Variants in TOM1L2 observed in about 807,000 individuals in gnomAD.
TOM1L2 encodes the protein TOM1-like protein 2.
A neutral mutation model predicts 67.9 loss-of-function variants in TOM1L2; 31 were observed. That is an observed-to-expected ratio of 0.46 (90% CI 0.34 to 0.62). The LOEUF is 0.62. Ranked by LOEUF, TOM1L2 falls within the 20% of genes least tolerant of loss-of-function variation. The probability of loss-of-function intolerance (pLI) is 0.01; values close to 1 mark genes in which losing one functional copy is unlikely to be tolerated. For synonymous variants in TOM1L2, 256 were observed against 254.0 expected (o/e 1.01, Z -0.07); for missense variants, 606 against 663.5 (o/e 0.91, Z 0.95).
intron 1 of TOM1L2, among the ~76,000 whole-genome samples, chr17:17,950,517 C>T (rs1029207243): frequency 1.3e-5 from 2 of 151,988 alleles, no homozygotes; most frequent in Non-Finnish European, 2.9e-5. Context: ...CGGCCTCAAG[C>T]TCCTGGGCTT....
At chr17:17,888,221 C>T (rs2038092946) in intron 4 of TOM1L2, among the ~76,000 whole-genome samples, 1 of 152,122 alleles carries the variant, frequency 6.6e-6, no homozygotes, top group Non-Finnish European at 1.5e-5. Flanking sequence ...TCTTTTCCTG[C>T]CTGTGGCTAC....
At chr17:17,934,864 C>A (rs188184739) in intron 1 of TOM1L2, among the ~76,000 whole-genome samples, 3 of 152,232 alleles carry the variant, frequency 2.0e-5, no homozygotes, top group Non-Finnish European at 4.4e-5. Flanking sequence ...AGGGGAAAAC[C>A]TTCAGAATGA....
intron 1 of TOM1L2, among the ~76,000 whole-genome samples, chr17:17,937,376 CT>C (rs1256924983): frequency 6.6e-6 from 1 of 152,234 alleles, no homozygotes; most frequent in Admixed American, 6.5e-5. Context: ...ATATCCACCC[CT>C]GATGAATAAC....
chr17:17,919,583 A>G (rs2039767928), intron 1 of TOM1L2, among the ~76,000 whole-genome samples: 2 of 152,214 alleles, frequency 1.3e-5, no homozygotes. Flanking sequence ...GAGGTCTTAG[A>G]GACCATCTAG....
At chr17:17,965,583 C>T (rs575636578) in intron 1 of TOM1L2, among the ~76,000 whole-genome samples, 1 of 152,316 alleles carries the variant, frequency 6.6e-6, no homozygotes, top group South Asian at 2.1e-4. Flanking sequence ...GGCAGCACAG[C>T]GTGACAGGAT....
At chr17:17,862,922 CTAGGA>C in intron 10 of TOM1L2, 74 bp from the exon 11 acceptor site, 1 of 884,656 alleles carries the variant, frequency 1.1e-6, no homozygotes, top group Non-Finnish European at 1.7e-6. Flanking sequence ...GGCCCCCAAG[CTAGGA>C]CGCCAGCCAG....
intron 1 of TOM1L2, among the ~76,000 whole-genome samples, chr17:17,958,934 A>G (rs1312389196): frequency 1.3e-5 from 2 of 152,006 alleles, no homozygotes; most frequent in African/African-American, 2.4e-5. Context: ...ACATAATGAA[A>G]CCTCCATTAA....
rs1239021154 is a variant in TOM1L2, at chr17:17,844,771, G to A, written c.*2864C>T. 1 of 152,238 alleles carries A rather than the reference G, an allele frequency of 6.6e-6. No homozygotes were observed. Among genetic ancestry groups the A allele is most frequent in the Non-Finnish European group, 1.5e-5 (1 of 68,040 alleles). The allele number at this position is 152,238 out of a possible 1,614,324, so 9.4% of individuals were successfully genotyped here. ...AAAGGTAGGCAGGAGGGAATGGTTA[G>A]TTTTCACATCTCAGCAACAATGAAC... On this transcript the variant is annotated 3_prime_UTR_variant, in exon 15 of 15. Transcript: ENST00000379504.
In TOM1L2 at chr17:17,868,847, T is replaced by TC. The variant is rs1227668758; in HGVS notation, c.911+492dup. On this transcript the variant is annotated intron_variant, in intron 8 of 14. Transcript: ENST00000379504. ...ATTCCGGCACTTACACCCGCCTGCT[T>TC]CCCCTGAATGCTCTAGATAACATTG... is the stretch of plus-strand genomic sequence containing the variant. 1.9e-5 allele frequency: 3 copies of TC among 157,112 alleles called. No individual in the cohort carries two copies. In the East Asian group the frequency reaches 5.5e-4, roughly 29 times the overall value. 9.7% of individuals were successfully genotyped at this position (157,112 alleles called of 1,614,324 possible).
intron 4 of TOM1L2, among the ~76,000 whole-genome samples, chr17:17,889,261 C>T (rs1025364598): frequency 6.6e-6 from 1 of 152,148 alleles, no homozygotes; most frequent in African/African-American, 2.4e-5. Flanking sequence ...GAGGGGTAGG[C>T]ATCAGCTGGA....
chr17:17,951,080 A>G (rs2041187327), intron 1 of TOM1L2, among the ~76,000 whole-genome samples: 1 of 152,150 alleles, frequency 6.6e-6, no homozygotes, highest in South Asian at 2.1e-4. Context: ...AGTGTGGGGC[A>G]GACCTGTTCA....
chr17:17,853,175 G>A (rs1387114841), intron 12 of TOM1L2, among the ~76,000 whole-genome samples: 1 of 152,200 alleles, frequency 6.6e-6, no homozygotes, highest in Non-Finnish European at 1.5e-5. Context: ...TGGCCTCTGG[G>A]AGGACGCATG....
chr17:17,850,621 C>T (rs145512816), intron 13 of TOM1L2, among the ~76,000 whole-genome samples: 1 of 152,334 alleles, frequency 6.6e-6, no homozygotes, highest in African/African-American at 2.4e-5. Context: ...GTTTTGGAGC[C>T]AGCTACGGCT....
chr17:17,863,705 T>C (rs918017003), intron 10 of TOM1L2, among the ~76,000 whole-genome samples: 2 of 151,792 alleles, frequency 1.3e-5, no homozygotes, highest in Admixed American at 6.6e-5. Context: ...TGTGCCACCA[T>C]GCCCAGCTGT....
At chr17:17,861,784 G>T (rs891996341) in intron 11 of TOM1L2, 2 of 484,226 alleles carry the variant, frequency 4.1e-6, no homozygotes, top group Non-Finnish European at 7.4e-6. Flanking sequence ...TAATCTCTGC[G>T]ATCTCAGATT....
chr17:17,884,636 G>A lies in TOM1L2; in HGVS notation c.499C>T (p.Arg167Trp), dbSNP rs1027041802. ...DALSPIHTPQ[R>W]SVPEVDPAAT... ...GAAAGTGCCAGCTGGAAGCTTACCC[G>A]CTGTGGTGTGTGTATGGGAGACAGA... is the stretch of plus-strand genomic sequence containing the variant. Residue 167 changes from arginine to tryptophan, a missense_variant and splice_region_variant, in exon 5 of 15, where the codon CGG (arginine) becomes TGG (tryptophan). Physicochemically the swap from Arg to Trp is moderately radical, Grantham distance 101. This residue lies in a region of TOM1L2 where 543 missense variants were observed against 554.0 expected (regional missense o/e 0.98). Coordinates refer to ENST00000379504, the MANE Select transcript of TOM1L2 (RefSeq NM_001082968.2). 6.2e-6 allele frequency: 10 copies of A among 1,613,986 alleles called. No individual in the cohort carries two copies. The highest frequency in any genetic ancestry group is 2.2e-5 in the East Asian group (1 of 44,882).
At chr17:17,921,158 CT>C (rs2039851215) in intron 1 of TOM1L2, among the ~76,000 whole-genome samples, 1 of 152,178 alleles carries the variant, frequency 6.6e-6, no homozygotes, top group Non-Finnish European at 1.5e-5. Context: ...AACTCCCCAA[CT>C]TATTCTCCTG....
chr17:17,922,807 G>C (rs1352774722), intron 1 of TOM1L2, among the ~76,000 whole-genome samples: 1 of 152,300 alleles, frequency 6.6e-6, no homozygotes, highest in South Asian at 2.1e-4. Flanking sequence ...CAGGAAAGAC[G>C]GAATTCCAGC....
At chr17:17,927,443 G>A (rs182337909) in intron 1 of TOM1L2, among the ~76,000 whole-genome samples, 308 of 152,236 alleles carry the variant, frequency 2.0e-3, no homozygotes, top group African/African-American at 7.1e-3. Context: ...GCCAGGACCT[G>A]CATGCAGACC....
Sources: allele counts gnomAD v4.1 joint callset (sites outside exome capture counted in the v4.1 genomes callset), GRCh38; gene constraint gnomAD v4.1.1; regional missense constraint gnomAD v4.1.1; transcripts MANE v1.5; gene names NCBI Gene and HGNC (gene_info 2026-07-23, HGNC 2026-07-21).